The following NABP1 variants were observed in gnomAD, a reference collection of about 807,000 sequenced individuals.
NABP1 encodes SOSS complex subunit B2.
Under a neutral mutation model 25.0 loss-of-function variants are expected in NABP1, and 18 were observed. That is an observed-to-expected ratio of 0.72 (90% confidence interval 0.50 to 1.07). The LOEUF is 1.07. Ranked by LOEUF, NABP1 falls within the 50% of genes least tolerant of loss-of-function variation. The probability of loss-of-function intolerance (pLI) is 0.00; values close to 1 mark genes in which losing one functional copy is unlikely to be tolerated. For synonymous variants in NABP1, 71 were observed against 85.0 expected, an observed-to-expected ratio of 0.84 and a Z score of 0.91; for missense variants, 270 against 255.6, an observed-to-expected ratio of 1.06 and a Z score of -0.39.
intron 5 of NABP1, 112 bp from the exon 6 acceptor site, chr2:191,685,487 A>T: frequency 1.0e-6 from 1 of 967,814 alleles, no homozygotes; most frequent in South Asian, 1.9e-5. Context: ...TATAAAAATA[A>T]AAGTGTGTGC....
At position 191,685,647 on chromosome 2, in the gene NABP1, A is replaced by C. The variant is rs747478553; in HGVS notation, c.494A>C (p.His165Pro). 5 of 1,613,902 alleles carry C rather than the reference A, an allele frequency of 3.1e-6. No homozygotes were observed. In the Admixed American group the frequency reaches 6.7e-5, roughly 22 times the overall value. The change falls in exon 6 of 6, where the codon CAT (histidine) becomes CCT (proline). Residue 165 changes from histidine to proline, a missense_variant. Coordinates refer to ENST00000425611, the MANE Select transcript of NABP1 (RefSeq NM_001031716.5). Reference sequence around the variant, plus strand: ...GAATCAAGGGAACACCAGTTTTCACATGCTGGCAGAAGCAATGGCCGGGGA... The same window carrying C: ...GAATCAAGGGAACACCAGTTTTCACCTGCTGGCAGAAGCAATGGCCGGGGA... ...GPESREHQFS[H>P]AGRSNGRGLI... is the part of the protein sequence containing the mutation.
intron 3 of NABP1, chr2:191,682,699 C>A: frequency 3.4e-6 from 1 of 291,772 alleles, no homozygotes; most frequent in Admixed American, 4.1e-5. Context: ...TAATGCTCTG[C>A]CATCTACTTA....
rs1416216429 is a variant in NABP1, at chr2:191,680,006, C to A, written c.230+878C>A. ...GTCTTCTGCTGTAAGGTGGATGTTG[C>A]GCAAAAACCAAAGGGATACACAGAA... On this transcript the variant is annotated intron_variant, in intron 2 of 5. Coordinates refer to ENST00000425611, the MANE Select transcript of NABP1 (RefSeq NM_001031716.5). 3.9e-5 allele frequency among the ~76,000 whole-genome samples: 6 copies of A among 152,156 alleles called. No individual in the cohort carries two copies. The East Asian group carries it at 9.7e-4, about 24-fold the overall frequency.
intron 2 of NABP1, 99 bp from the exon 3 acceptor site, chr2:191,681,847 C>G: frequency 1.4e-6 from 1 of 710,608 alleles, no homozygotes; most frequent in Non-Finnish European, 2.1e-6. Context: ...ATCCTCACTT[C>G]TACCTTAATA....
Position 191,684,402 on chromosome 2 carries a change from G to A in NABP1, c.445+106G>A, listed in dbSNP as rs527954538. The A allele has an allele frequency of 2.3e-5, 16 of 692,344 alleles. No individual in the cohort carries two copies. In the East Asian group the frequency reaches 3.7e-4, roughly 16 times the overall value. The allele number at this position is 692,344 out of a possible 1,614,324, so 42.9% of individuals were successfully genotyped here. ...TCTTTAGGCATAAATTAGTGATAAA[G>A]GTGAACTACCAGTAAACAGGGAATC... On this transcript the variant is annotated intron_variant, in intron 5 of 5. Coordinates refer to ENST00000425611, the MANE Select transcript of NABP1 (RefSeq NM_001031716.5).
At chr2:191,685,489 A>G (rs1387051498) in intron 5 of NABP1, 110 bp from the exon 6 acceptor site, 1 of 967,352 alleles carries the variant, frequency 1.0e-6, no homozygotes, top group East Asian at 2.7e-5. Flanking sequence ...TAAAAATAAA[A>G]GTGTGTGCTT....
At chr2:191,678,840 C>T in intron 1 of NABP1, 135 bp downstream of exon 1, 3 of 1,332,050 alleles carry the variant, frequency 2.3e-6, no homozygotes, top group Non-Finnish European at 3.1e-6. Context: ...TAGTGGCCTC[C>T]GCCCGAGATC....
Position 191,683,627 on chromosome 2 carries a change from T to G in NABP1, c.303-102T>G. 1.3e-6 allele frequency: 1 copy of G among 793,878 alleles called. No individual in the cohort carries two copies. Among genetic ancestry groups the G allele is most frequent in the East Asian group, 2.7e-5 (1 of 36,954 alleles). The allele number at this position is 793,878 out of a possible 1,614,324, so 49.2% of individuals were successfully genotyped here. On this transcript the variant is annotated intron_variant, in intron 3 of 5. Transcript: ENST00000425611. This position sits in a 1 kb window ranked among gnomAD's most constrained non-coding sequence, Gnocchi z 4.1. ...GAGTTAGTTTGTTGCTATTAATTTG[T>G]TTGACACATAAGTTCATTCCTAAAA...
At position 191,683,377 on chromosome 2, in the gene NABP1, C is replaced by A; in HGVS notation, c.303-352C>A. On this transcript the variant is annotated intron_variant, in intron 3 of 5. Coordinates refer to ENST00000425611, the MANE Select transcript of NABP1 (RefSeq NM_001031716.5). This position sits in a 1 kb window ranked among gnomAD's most constrained non-coding sequence, Gnocchi z 4.1. ...CATTACCACTGCTGGAGAAACCACC[C>A]TGGAACCCTAAACATGGTTCACTCT... 1 of 282,544 alleles carries A rather than the reference C, an allele frequency of 3.5e-6. No individual in the cohort carries two copies. The highest frequency in any genetic ancestry group is 6.8e-6 in the Non-Finnish European group (1 of 147,952). 17.5% of individuals were successfully genotyped at this position (282,544 alleles called of 1,614,324 possible).
rs1687816299 is a variant in NABP1 at position 191,686,150 on chromosome 2, A to G, written c.*382A>G. The G allele has an allele frequency of 6.4e-6, 1 of 156,922 alleles. No homozygotes were observed. Among genetic ancestry groups the G allele is most frequent in the Non-Finnish European group, 1.4e-5 (1 of 71,244 alleles). The allele number at this position is 156,922 out of a possible 1,614,324, so 9.7% of individuals were successfully genotyped here. A position where few individuals can be genotyped will look rare whatever the true frequency, so the allele number is the denominator to read the frequency against. On this transcript the variant is annotated 3_prime_UTR_variant, in exon 6 of 6. Coordinates refer to ENST00000425611, the MANE Select transcript of NABP1 (RefSeq NM_001031716.5). The stretch of plus-strand genomic sequence containing the variant: ...AATGGGAGATGTTCTTTTGTCTTGT[A>G]TTCAGATATTGCCAACTAAAGCAAT...
At position 191,683,873 on chromosome 2, in the gene NABP1, C is replaced by T. The variant is rs1405637195; in HGVS notation, c.378+69C>T. ...TGTTATAATTCTATGATTAGGCTAG[C>T]CCTGTTGATACTTAGTATAAAGAAG... On this transcript the variant is annotated intron_variant, in intron 4 of 5. Transcript: ENST00000425611. The surrounding 1 kb of genome is among the most constrained non-coding windows in gnomAD (Gnocchi z 4.1). 15 of 1,142,608 alleles carry T rather than the reference C, an allele frequency of 1.3e-5. 1 individual carries two copies. The highest frequency in any genetic ancestry group is 2.0e-4 in the Middle Eastern group (1 of 5,090). 70.8% of individuals were successfully genotyped at this position (1,142,608 alleles called of 1,614,324 possible). A position where few individuals can be genotyped will look rare whatever the true frequency, so the allele number is the denominator to read the frequency against.
chr2:191,684,634 G>A (rs1687770437), intron 5 of NABP1, among the ~76,000 whole-genome samples: 1 of 152,142 alleles, frequency 6.6e-6, no homozygotes, highest in South Asian at 2.1e-4. Flanking sequence ...TAGAGTCATA[G>A]TTCACCTTAA....
Position 191,679,143 on chromosome 2 carries a change from A to G in NABP1, c.230+15A>G, listed in dbSNP as rs1421886394. 1 of 1,613,984 alleles carries G rather than the reference A, an allele frequency of 6.2e-7. No individual in the cohort carries two copies. Among genetic ancestry groups the G allele is most frequent in the Non-Finnish European group, 8.5e-7 (1 of 1,179,948 alleles). On this transcript the variant is annotated intron_variant, in intron 2 of 5. Coordinates refer to ENST00000425611, the MANE Select transcript of NABP1 (RefSeq NM_001031716.5). ...TTGACCAGAGGGTAGGTGTGCAAAA[A>G]AGTCGGGGGACCTAACAGTCTGCAG...
intron 5 of NABP1, chr2:191,685,185 A>T (rs760865399): frequency 6.2e-6 from 1 of 161,190 alleles, no homozygotes; most frequent in African/African-American, 2.4e-5. Flanking sequence ...CTCGAAGGCT[A>T]CATGTCTTGG....
At chr2:191,684,481 ATT>A (rs1558987701) in intron 5 of NABP1, among the ~76,000 whole-genome samples, 185 bp downstream of exon 5, 1 of 152,168 alleles carries the variant, frequency 6.6e-6, no homozygotes, top group Non-Finnish European at 1.5e-5. Flanking sequence ...TTTATTGAGA[ATT>A]CTAAGTTTTT....
rs1158287994 is a variant in NABP1, at chr2:191,683,107, A to T, written c.303-622A>T. On this transcript the variant is annotated intron_variant, in intron 3 of 5. Coordinates refer to ENST00000425611, the MANE Select transcript of NABP1 (RefSeq NM_001031716.5). The surrounding 1 kb of genome is among the most constrained non-coding windows in gnomAD (Gnocchi z 4.1). Reference sequence around the variant, plus strand: ...CTTTGTCAGGGTCAGTCGAGGATTTACCAAAACTGGTTCTGATTTGTCTTC... The same window carrying T: ...CTTTGTCAGGGTCAGTCGAGGATTTTCCAAAACTGGTTCTGATTTGTCTTC... 1 of 157,010 alleles carries T rather than the reference A, an allele frequency of 6.4e-6. No individual in the cohort carries two copies. The allele number at this position is 157,010 out of a possible 1,614,324, so 9.7% of individuals were successfully genotyped here.
In NABP1 at chr2:191,678,436, A is replaced by AGG; in HGVS notation, c.-178_-177dup. 1.6e-5 allele frequency: 1 copy of AGG among 60,828 alleles called. No homozygotes were observed. Among genetic ancestry groups the AGG allele is most frequent in the Non-Finnish European group, 2.9e-5 (1 of 34,536 alleles). 3.8% of individuals were successfully genotyped at this position (60,828 alleles called of 1,614,324 possible). Reference sequence around the variant, plus strand: ...TTTTTTTTTTTTTTTTTCTTTTTTTAGGCTCAGTGCTGTCCGGGCTGGTTT... The same window carrying AGG: ...TTTTTTTTTTTTTTTTTCTTTTTTTAGGGGCTCAGTGCTGTCCGGGCTGGTTT... On this transcript the variant is annotated 5_prime_UTR_variant, in exon 1 of 6. Coordinates refer to ENST00000425611, the MANE Select transcript of NABP1 (RefSeq NM_001031716.5).
rs1687838014 is a variant in NABP1, at chr2:191,686,867, A to G, written c.*1099A>G. The G allele has an allele frequency of 1.3e-5, 2 of 152,652 alleles. No homozygotes were observed. Among genetic ancestry groups the G allele is most frequent in the Admixed American group, 6.5e-5 (1 of 15,282 alleles). 9.5% of individuals were successfully genotyped at this position (152,652 alleles called of 1,614,324 possible). A position where few individuals can be genotyped will look rare whatever the true frequency, so the allele number is the denominator to read the frequency against. ...GGTACCCACTTCCCCTTTTTACTGT[A>G]GGGTGGATAACTCTTAGGATTTAAC... On this transcript the variant is annotated 3_prime_UTR_variant, in exon 6 of 6. Coordinates refer to ENST00000425611, the MANE Select transcript of NABP1 (RefSeq NM_001031716.5).
Position 191,685,768 on chromosome 2 carries a change from A to G in NABP1, c.615A>G (p.Ter205TrpextTer8). 1 of 1,613,844 alleles carries G rather than the reference A, an allele frequency of 6.2e-7. No homozygotes were observed. Among genetic ancestry groups the G allele is most frequent in the Non-Finnish European group, 8.5e-7 (1 of 1,179,816 alleles). ...GRDPRRAFKR[*>W] ...ACCCTCGGAGAGCCTTTAAAAGATG[A>G]CCTATGCTAAATACTCATGTGTAGT... Residue 205 changes from the stop codon to tryptophan (W), a stop_lost, in exon 6 of 6, where the codon TGA becomes TGG. Transcript: ENST00000425611.
Sources: allele counts gnomAD v4.1 joint callset (sites outside exome capture counted in the v4.1 genomes callset), GRCh38; gene constraint gnomAD v4.1.1; non-coding constraint Gnocchi (gnomAD v3.1); transcripts MANE v1.5; gene names NCBI Gene and HGNC (gene_info 2026-07-23, HGNC 2026-07-21).